Variants in PIWIL2 observed in about 807,000 individuals in gnomAD.
The protein encoded by PIWIL2 is piwi like RNA-mediated gene silencing 2.
A neutral mutation model predicts 116.5 loss-of-function variants in PIWIL2; 81 were observed. That is an observed-to-expected ratio of 0.70 (90% CI 0.58 to 0.84). PIWIL2 has a LOEUF of 0.84. Among genes scored for constraint, PIWIL2 ranks in the 40% least tolerant of loss-of-function variants. The pLI is 0.00. For synonymous variants in PIWIL2, 489 were observed against 429.5 expected (o/e 1.14, Z -1.71); for missense variants, 1,272 against 1,212.3 (o/e 1.05, Z -0.73).
chr8:22,306,132 C>A (rs1831172478), intron 13 of PIWIL2, 116 bp downstream of exon 13: 1 of 701,450 alleles, frequency 1.4e-6, no homozygotes, highest in Non-Finnish European at 2.6e-6. Flanking sequence ...GCATTGTAAC[C>A]TGGGCCTGTC....
chr8:22,281,321 T>A (rs1042083073), intron 3 of PIWIL2, 56 bp from the exon 4 acceptor site: 7 of 1,566,746 alleles, frequency 4.5e-6, no homozygotes, highest in Non-Finnish European at 5.2e-6. Context: ...AAAAAAACTA[T>A]ACTTTAAAAC....
chr8:22,347,659 C>T (rs999901088), intron 20 of PIWIL2, among the ~76,000 whole-genome samples: 8 of 151,378 alleles, frequency 5.3e-5, no homozygotes, highest in Admixed American at 6.6e-5. Context: ...CCTGAGTATC[C>T]GGGATTACAG....
intron 10 of PIWIL2, among the ~76,000 whole-genome samples, chr8:22,294,337 A>T (rs1300053101): frequency 6.7e-3 from 255 of 38,270 alleles, no homozygotes; most frequent in African/African-American, 0.013. Context: ...GACTGTCTTT[A>T]AAAAAAAAAA....
At position 22,294,901 on chromosome 8, in the gene PIWIL2, A is replaced by G. The variant is rs200144505; in HGVS notation, c.1181+4555A>G. Among the ~76,000 whole-genome samples, 76 of 108,744 alleles carry G rather than the reference A, an allele frequency of 7.0e-4. 1 individual carries two copies. In the East Asian group the frequency reaches 0.01, roughly 15 times the overall value. 71.3% of individuals were successfully genotyped at this position (108,744 alleles called of 152,430 possible). On this transcript the variant is annotated intron_variant, in intron 10 of 22. Transcript: ENST00000356766. ...CATGGTGAAATCCCATCTTTACTGGAAAAAAAAAAAAAAAAAAAAAAAAAA... is the reference window on the plus strand; with the variant it reads ...CATGGTGAAATCCCATCTTTACTGGGAAAAAAAAAAAAAAAAAAAAAAAAA...
chr8:22,295,298 T>G (rs1260732595), intron 10 of PIWIL2, among the ~76,000 whole-genome samples: 1 of 151,714 alleles, frequency 6.6e-6, no homozygotes, highest in Non-Finnish European at 1.5e-5. Flanking sequence ...CTCAGCTTCC[T>G]GAGTAACTGG....
intron 20 of PIWIL2, among the ~76,000 whole-genome samples, chr8:22,351,991 C>T (rs1832384760): frequency 6.6e-6 from 1 of 152,194 alleles, no homozygotes; most frequent in Non-Finnish European, 1.5e-5. Context: ...GTTGCCCAGG[C>T]TGGAGTGTAG....
chr8:22,279,363 A>T lies in PIWIL2; in HGVS notation c.-24A>T, dbSNP rs377132250. ...CAGGTAATTAACCAGAACAGGATCGACACGTGTTCTCTACAGCCCGTCCAT... is the reference window on the plus strand; with the variant it reads ...CAGGTAATTAACCAGAACAGGATCGTCACGTGTTCTCTACAGCCCGTCCAT... On this transcript the variant is annotated 5_prime_UTR_variant, in exon 2 of 23. Coordinates refer to ENST00000356766, the MANE Select transcript of PIWIL2 (RefSeq NM_018068.5). 22 of 1,583,452 alleles carry T rather than the reference A, an allele frequency of 1.4e-5. No individual in the cohort carries two copies. The African/African-American group carries it at 2.4e-4, about 17-fold the overall frequency.
chr8:22,318,076 G>T, intron 19 of PIWIL2, 94 bp from the exon 20 acceptor site: 2 of 717,046 alleles, frequency 2.8e-6, no homozygotes, highest in Non-Finnish European at 4.9e-6. Context: ...TTGATTGGTA[G>T]AGAAACCTGT....
chr8:22,297,508 G>A (rs1022908423), intron 10 of PIWIL2, among the ~76,000 whole-genome samples: 1 of 151,752 alleles, frequency 6.6e-6, no homozygotes, highest in Admixed American at 6.6e-5. Flanking sequence ...TTTGGCTTTC[G>A]AAGTTTTACT....
intron 20 of PIWIL2, among the ~76,000 whole-genome samples, chr8:22,343,357 C>A (rs1832152648): frequency 6.6e-6 from 1 of 152,076 alleles, no homozygotes; most frequent in African/African-American, 2.4e-5. Flanking sequence ...ATCATTTGAA[C>A]TTGGGAGGCA....
intron 20 of PIWIL2, among the ~76,000 whole-genome samples, chr8:22,336,616 A>G (rs1831986491): frequency 6.6e-6 from 1 of 152,096 alleles, no homozygotes. Flanking sequence ...GAAATAATAG[A>G]CATTAGAGAG....
chr8:22,319,015 A>G (rs974660664), intron 20 of PIWIL2, among the ~76,000 whole-genome samples: 1 of 152,234 alleles, frequency 6.6e-6, no homozygotes, highest in African/African-American at 2.4e-5. Context: ...AAAGAATGCT[A>G]ACCATGGAGG....
At chr8:22,330,446 C>T (rs999647905) in intron 20 of PIWIL2, among the ~76,000 whole-genome samples, 10 of 152,062 alleles carry the variant, frequency 6.6e-5, no homozygotes, top group Admixed American at 4.6e-4. Context: ...CGCCTATAAT[C>T]CCAGTACTTT....
Position 22,323,510 on chromosome 8 carries a change from G to T in PIWIL2, c.2403+5235G>T, listed in dbSNP as rs764967649. ...TTCCCAAAGTGCTGGGATTATAGGC[G>T]TGAGCCACAGTGCCCAGCCCAGTCA... On this transcript the variant is annotated intron_variant, in intron 20 of 22. Coordinates refer to ENST00000356766, the MANE Select transcript of PIWIL2 (RefSeq NM_018068.5). Among the ~76,000 whole-genome samples the T allele has an allele frequency of 2.6e-5, 4 of 152,126 alleles. 1 individual carries two copies.
At chr8:22,349,279 T>C (rs1832299360) in intron 20 of PIWIL2, among the ~76,000 whole-genome samples, 1 of 151,372 alleles carries the variant, frequency 6.6e-6, no homozygotes, top group African/African-American at 2.4e-5. Flanking sequence ...AGTGCTGGGA[T>C]TACGGGCGTG....
intron 18 of PIWIL2, 39 bp from the exon 19 acceptor site, chr8:22,316,206 G>A (rs1441393156): frequency 7.8e-7 from 1 of 1,275,956 alleles, no homozygotes; most frequent in African/African-American, 1.5e-5. Context: ...GCATTGCTCA[G>A]GTCTGGGGTT....
chr8:22,307,856 T>C (rs1273224749), intron 13 of PIWIL2, 77 bp from the exon 14 acceptor site: 17 of 1,114,466 alleles, frequency 1.5e-5, no homozygotes, highest in Middle Eastern at 3.0e-4. Context: ...AGAAACATTT[T>C]AGACCTACTG....
intron 20 of PIWIL2, among the ~76,000 whole-genome samples, chr8:22,342,783 A>G (rs1271924238): frequency 6.6e-6 from 1 of 152,222 alleles, no homozygotes; most frequent in Non-Finnish European, 1.5e-5. Flanking sequence ...CATCGAATTT[A>G]AAAACTTCTG....
chr8:22,280,187 G>A (rs982398398), intron 2 of PIWIL2, among the ~76,000 whole-genome samples: 6 of 152,122 alleles, frequency 3.9e-5, no homozygotes, highest in Admixed American at 6.5e-5. Context: ...TAGGTCTAAA[G>A]GTACAATCTC....
Sources: allele counts gnomAD v4.1 joint callset (sites outside exome capture counted in the v4.1 genomes callset), GRCh38; gene constraint gnomAD v4.1.1; transcripts MANE v1.5; gene names NCBI Gene and HGNC (gene_info 2026-07-23, HGNC 2026-07-21).